Variants in FBXL20 observed in about 807,000 individuals in gnomAD.
The protein encoded by FBXL20 is F-box/LRR-repeat protein 20.
A neutral mutation model predicts 64.0 loss-of-function variants in FBXL20; 11 were observed. That is an observed-to-expected ratio of 0.17 (90% CI 0.11 to 0.28). FBXL20 has a LOEUF of 0.28. Ranked by LOEUF, FBXL20 falls within the 10% of genes least tolerant of loss-of-function variation. The pLI is 1.00. For synonymous variants in FBXL20, 184 were observed against 189.0 expected (o/e 0.97, Z 0.22); for missense variants, 303 against 526.2 (o/e 0.58, Z 4.15).
At position 39,371,075 on chromosome 17, in the gene FBXL20, G is replaced by A. The variant is rs963072232; in HGVS notation, c.43-27834C>T. On this transcript the variant is annotated intron_variant, in intron 1 of 14. Coordinates refer to ENST00000264658, the MANE Select transcript of FBXL20 (RefSeq NM_032875.3). ...CTCTACTTAAAATACAAAATTAGCCGGGCGTGGTGGCACATGCCTGTAATC... is the reference window on the plus strand; with the variant it reads ...CTCTACTTAAAATACAAAATTAGCCAGGCGTGGTGGCACATGCCTGTAATC... Among the ~76,000 whole-genome samples the A allele has an allele frequency of 2.0e-4, 30 of 152,092 alleles. 1 individual carries two copies. Among genetic ancestry groups the A allele is most frequent in the Admixed American group, 5.2e-4 (8 of 15,252 alleles).
Position 39,308,424 on chromosome 17 carries a change from G to C in FBXL20, c.105-4785C>G, listed in dbSNP as rs185340113. 8.1e-4 allele frequency among the ~76,000 whole-genome samples: 123 copies of C among 152,062 alleles called. 1 individual carries two copies. The highest frequency in any genetic ancestry group is 3.4e-3 in the Admixed American group (52 of 15,238). On this transcript the variant is annotated intron_variant, in intron 2 of 14. Transcript: ENST00000264658. ...GAAAGAGGATCACTTGAGCTCAGGA[G>C]TAAGTGGCTGTAGGGAACTGTGATC...
rs1025167877 is a variant in FBXL20, at chr17:39,257,339, C to T, written c.*4121G>A. On this transcript the variant is annotated 3_prime_UTR_variant, in exon 15 of 15. Transcript: ENST00000264658. ...AATAACTCAAATAGTCTGGAAAGCC[C>T]AAAATGAAGCATCATAAATTTACTA... The T allele has an allele frequency of 3.3e-5, 5 of 152,126 alleles. No homozygotes were observed. The highest frequency in any genetic ancestry group is 4.4e-5 in the Non-Finnish European group (3 of 68,028). The allele number at this position is 152,126 out of a possible 1,614,324, so 9.4% of individuals were successfully genotyped here.
At chr17:39,302,702 G>A (rs1483873425) in intron 3 of FBXL20, among the ~76,000 whole-genome samples, 1 of 152,016 alleles carries the variant, frequency 6.6e-6, no homozygotes, top group Non-Finnish European at 1.5e-5. Flanking sequence ...GTAGAGATAG[G>A]GCTCCCTATG....
At chr17:39,375,774 G>A (rs1290424394) in intron 1 of FBXL20, among the ~76,000 whole-genome samples, 1 of 152,150 alleles carries the variant, frequency 6.6e-6, no homozygotes, top group Non-Finnish European at 1.5e-5. Flanking sequence ...AAGACTAGAG[G>A]TTTGTATCAT....
chr17:39,324,986 G>C (rs185440445), intron 2 of FBXL20, among the ~76,000 whole-genome samples: 4 of 152,256 alleles, frequency 2.6e-5, no homozygotes, highest in Non-Finnish European at 1.5e-5. Context: ...AAGGTGGATG[G>C]GTTTGAGCTC....
chr17:39,316,704 G>A (rs1433560348), intron 2 of FBXL20, among the ~76,000 whole-genome samples: 2 of 152,206 alleles, frequency 1.3e-5, no homozygotes, highest in Admixed American at 6.5e-5. Context: ...AGAATGGGAC[G>A]GCTGGGCACG....
At chr17:39,327,955 G>C (rs191875614) in intron 2 of FBXL20, among the ~76,000 whole-genome samples, 137 of 152,258 alleles carry the variant, frequency 9.0e-4, no homozygotes, top group African/African-American at 3.1e-3. Context: ...AATAAAGACT[G>C]TATAGTTTCT....
At chr17:39,328,366 G>A (rs1254835579) in intron 2 of FBXL20, among the ~76,000 whole-genome samples, 1 of 151,794 alleles carries the variant, frequency 6.6e-6, no homozygotes, top group South Asian at 2.1e-4. Context: ...ATCAAGGGAG[G>A]TGTAAGAAGG....
intron 2 of FBXL20, among the ~76,000 whole-genome samples, chr17:39,337,557 C>T (rs1466461021): frequency 2.0e-5 from 3 of 150,434 alleles, no homozygotes; most frequent in East Asian, 3.9e-4. Flanking sequence ...TCTGCCCCGC[C>T]GCCCCGTCTG....
At chr17:39,323,071 G>C (rs903437129) in intron 2 of FBXL20, among the ~76,000 whole-genome samples, 1 of 150,390 alleles carries the variant, frequency 6.6e-6, no homozygotes, top group Non-Finnish European at 1.5e-5. Flanking sequence ...CAGGGTTCAC[G>C]CCATTCTCCT....
At chr17:39,373,218 T>G (rs1202035895) in intron 1 of FBXL20, among the ~76,000 whole-genome samples, 3 of 152,130 alleles carry the variant, frequency 2.0e-5, no homozygotes, top group Admixed American at 2.0e-4. Context: ...CTAAACACAC[T>G]CCTGGCTCCT....
chr17:39,309,351 G>GAT (rs1049020708), intron 2 of FBXL20, among the ~76,000 whole-genome samples: 2 of 151,954 alleles, frequency 1.3e-5, no homozygotes, highest in African/African-American at 4.8e-5. Context: ...AACAAACCTG[G>GAT]ATATATATAT....
chr17:39,338,089 A>C (rs868530869), intron 2 of FBXL20, among the ~76,000 whole-genome samples: 9 of 152,048 alleles, frequency 5.9e-5, no homozygotes, highest in Non-Finnish European at 1.0e-4. Flanking sequence ...CTTTTGTGGA[A>C]TAGAAAGGGG....
chr17:39,320,257 A>AGATAAT (rs10650616), intron 2 of FBXL20, among the ~76,000 whole-genome samples: 7 of 151,646 alleles, frequency 4.6e-5, no homozygotes, highest in African/African-American at 1.7e-4. Flanking sequence ...ATCAACTTAA[A>AGATAAT]TTTTTTTGGT....
At chr17:39,355,667 C>T (rs2047729161) in intron 1 of FBXL20, among the ~76,000 whole-genome samples, 1 of 151,568 alleles carries the variant, frequency 6.6e-6, no homozygotes, top group Admixed American at 6.6e-5. Flanking sequence ...ACCAGCCTGG[C>T]CACATGGTGA....
chr17:39,364,983 TGAA>T (rs987149492), intron 1 of FBXL20, among the ~76,000 whole-genome samples: 1 of 152,192 alleles, frequency 6.6e-6, no homozygotes. Context: ...GGTTCTCTAT[TGAA>T]GAAGTTTATG....
chr17:39,273,468 C>A (rs761184942), intron 10 of FBXL20, among the ~76,000 whole-genome samples: 20 of 152,166 alleles, frequency 1.3e-4, no homozygotes, highest in Non-Finnish European at 2.8e-4. Context: ...TGTTCCTACA[C>A]TAACTAGCTG....
intron 7 of FBXL20, among the ~76,000 whole-genome samples, chr17:39,285,159 C>T (rs1296252679): frequency 6.6e-6 from 1 of 152,248 alleles, no homozygotes; most frequent in South Asian, 2.1e-4. Flanking sequence ...CTGCCTCGGC[C>T]GCCCAAAATG....
chr17:39,373,325 G>C (rs1479760448), intron 1 of FBXL20, among the ~76,000 whole-genome samples: 1 of 152,156 alleles, frequency 6.6e-6, no homozygotes, highest in Non-Finnish European at 1.5e-5. Context: ...TCAGAGTTCT[G>C]TGTTTCTACC....
Sources: allele counts gnomAD v4.1 joint callset (sites outside exome capture counted in the v4.1 genomes callset), GRCh38; gene constraint gnomAD v4.1.1; transcripts MANE v1.5; gene names NCBI Gene and HGNC (gene_info 2026-07-23, HGNC 2026-07-21).